DSCC1: variants seen among roughly 807,000 people sequenced by gnomAD.
DSCC1 encodes sister chromatid cohesion protein DCC1.
A neutral mutation model predicts 48.2 loss-of-function variants in DSCC1; 32 were observed. The observed-to-expected ratio is 0.66, with a 90% CI of 0.50 to 0.89. DSCC1 has a LOEUF of 0.89. Among genes scored for constraint, DSCC1 ranks in the 40% least tolerant of loss-of-function variants. DSCC1 has a pLI of 0.00. For synonymous variants in DSCC1, 150 were observed against 171.5 expected (o/e 0.87, Z 0.98); for missense variants, 421 against 471.7 (o/e 0.89, Z 1.00).
chr8:119,837,841 C>T (rs1024597576), intron 8 of DSCC1, among the ~76,000 whole-genome samples: 6 of 152,102 alleles, frequency 3.9e-5, no homozygotes, highest in Non-Finnish European at 5.9e-5. Context: ...GGATTTCAAG[C>T]GTTAGGGGAC....
Position 119,841,865 on chromosome 8 carries a change from G to T in DSCC1, c.853C>A (p.Leu285Ile). 1 of 1,614,124 alleles carries T rather than the reference G, an allele frequency of 6.2e-7. No individual in the cohort carries two copies. The highest frequency in any genetic ancestry group is 1.6e-4 in the Middle Eastern group (1 of 6,062). Residue 285 changes from leucine to isoleucine, a missense_variant, in exon 7 of 9, where the codon CTC (leucine) becomes ATC (isoleucine). Coordinates refer to ENST00000313655, the MANE Select transcript of DSCC1 (RefSeq NM_024094.3). The stretch of plus-strand genomic sequence containing the variant: ...TGCCACACTTCTTGAAACTCAGCGA[G>T]ATTGAATTTCACCGCATTCTGAAGT... ...MLLQNAVKFN[L>I]AEFQEVWQQS...
chr8:119,841,462 A>G (rs1826768341), intron 7 of DSCC1, among the ~76,000 whole-genome samples: 1 of 152,166 alleles, frequency 6.6e-6, no homozygotes, highest in Non-Finnish European at 1.5e-5. Flanking sequence ...GAAACGGAAC[A>G]AAATGAGATA....
In DSCC1 at chr8:119,855,817, C is replaced by T; in HGVS notation, c.-22G>A. ...TCATCGCAGCGCCGGGTCTAGGAGT[C>T]CCGCCGCGCCCGGGTGGCTGCGGGC... On this transcript the variant is annotated 5_prime_UTR_variant, in exon 1 of 9. Transcript: ENST00000313655. 7.0e-7 allele frequency: 1 copy of T among 1,437,080 alleles called. No individual in the cohort carries two copies. Among genetic ancestry groups the T allele is most frequent in the Non-Finnish European group, 9.1e-7 (1 of 1,095,338 alleles). 89.0% of individuals were successfully genotyped at this position (1,437,080 alleles called of 1,614,324 possible).
At position 119,849,163 on chromosome 8, in the gene DSCC1, C is replaced by T. The variant is rs568737541; in HGVS notation, c.486+1219G>A. ...TCGCGCCACTGCACTCCAGCCTGGG[C>T]GACAGAGCGAGACTCCCTCTCAAAA... is the stretch of plus-strand genomic sequence containing the variant. On this transcript the variant is annotated intron_variant, in intron 3 of 8. Coordinates refer to ENST00000313655, the MANE Select transcript of DSCC1 (RefSeq NM_024094.3). Among the ~76,000 whole-genome samples, 758 of 120,610 alleles carry T rather than the reference C, an allele frequency of 6.3e-3. 7 individuals are homozygous for T. Among genetic ancestry groups the T allele is most frequent in the African/African-American group, 0.023 (712 of 30,774 alleles). 79.1% of individuals were successfully genotyped at this position (120,610 alleles called of 152,430 possible). A position where few individuals can be genotyped will look rare whatever the true frequency, so the allele number is the denominator to read the frequency against.
At chr8:119,835,497 ACT>A (rs1356377206) in intron 8 of DSCC1, among the ~76,000 whole-genome samples, 2 of 151,428 alleles carry the variant, frequency 1.3e-5, no homozygotes. Flanking sequence ...ACAGTGTGAG[ACT>A]CTGTCTCAAA....
intron 1 of DSCC1, 113 bp downstream of exon 1, chr8:119,855,501 C>T: frequency 7.2e-7 from 1 of 1,379,884 alleles, no homozygotes; most frequent in South Asian, 1.5e-5. Context: ...TTGCTATGAG[C>T]CCCCGGCCAG....
rs1166075407 is a variant in DSCC1 at position 119,855,813 on chromosome 8, G to A, written c.-18C>T. On this transcript the variant is annotated 5_prime_UTR_variant, in exon 1 of 9. Transcript: ENST00000313655. ...CTCTTCATCGCAGCGCCGGGTCTAG[G>A]AGTCCCGCCGCGCCCGGGTGGCTGC... 1 of 1,445,956 alleles carries A rather than the reference G, an allele frequency of 6.9e-7. No individual in the cohort carries two copies. The allele number at this position is 1,445,956 out of a possible 1,614,324, so 89.6% of individuals were successfully genotyped here. A position where few individuals can be genotyped will look rare whatever the true frequency, so the allele number is the denominator to read the frequency against.
At chr8:119,841,669 G>A in intron 7 of DSCC1, 125 bp downstream of exon 7, 1 of 925,686 alleles carries the variant, frequency 1.1e-6, no homozygotes. Context: ...TGGATTGGAT[G>A]TACATGCACT....
chr8:119,845,875 C>T (rs111356276), intron 4 of DSCC1, among the ~76,000 whole-genome samples: 10 of 151,988 alleles, frequency 6.6e-5, no homozygotes, highest in Non-Finnish European at 1.3e-4. Context: ...CTTGAACCCA[C>T]GAGACGGAGG....
chr8:119,839,096 G>A (rs1826730017), intron 7 of DSCC1: 2 of 152,190 alleles, frequency 1.3e-5, no homozygotes, highest in African/African-American at 4.8e-5. Context: ...CTCCATCCCT[G>A]ACATCAGTCT....
At chr8:119,837,710 G>A (rs1038853727) in intron 8 of DSCC1, among the ~76,000 whole-genome samples, 2 of 152,102 alleles carry the variant, frequency 1.3e-5, no homozygotes, top group Admixed American at 6.6e-5. Flanking sequence ...AGGGAGAGAG[G>A]GCCACAGGAG....
intron 1 of DSCC1, among the ~76,000 whole-genome samples, chr8:119,854,078 A>C (rs75067648): frequency 6.6e-6 from 1 of 152,032 alleles, no homozygotes; most frequent in South Asian, 2.1e-4. Context: ...GCTGGGTGTG[A>C]TGATGCACAC....
rs764820227 is a variant in DSCC1, at chr8:119,847,011, G to T, written c.556C>A (p.Leu186Ile). ...EEEIMTQLQV[L>I]NACKIGGYWR... Reference sequence around the variant, plus strand: ...CTACCTCCAATCTTACAGGCATTTAGAACTTGTAATTGGGTCATTATTTCT... The same window carrying T: ...CTACCTCCAATCTTACAGGCATTTATAACTTGTAATTGGGTCATTATTTCT... Residue 186 changes from leucine to isoleucine, a missense_variant, in exon 4 of 9, where the codon CTA becomes ATA. Physicochemically the swap from Leu to Ile is conservative, Grantham distance 5. Around this residue, in one of 3 missense-constraint regions of DSCC1, gnomAD observed 238 missense variants for 259.0 expected, o/e 0.92. Coordinates refer to ENST00000313655, the MANE Select transcript of DSCC1 (RefSeq NM_024094.3). The T allele has an allele frequency of 6.2e-7, 1 of 1,613,776 alleles. No homozygotes were observed. The highest frequency in any genetic ancestry group is 8.5e-7 in the Non-Finnish European group (1 of 1,179,986).
chr8:119,851,807 G>A (rs1484281357), intron 2 of DSCC1, among the ~76,000 whole-genome samples: 1 of 152,062 alleles, frequency 6.6e-6, no homozygotes, highest in African/African-American at 2.4e-5. Context: ...CACGGATTAT[G>A]GCTTTGGTTA....
rs1826714037 is a variant in DSCC1 at position 119,838,207 on chromosome 8, A to G, written c.1073+52T>C. 2.7e-6 allele frequency: 4 copies of G among 1,495,626 alleles called. No individual in the cohort carries two copies. The South Asian group carries it at 5.9e-5, about 22-fold the overall frequency. 92.6% of individuals were successfully genotyped at this position (1,495,626 alleles called of 1,614,324 possible). A position where few individuals can be genotyped will look rare whatever the true frequency, so the allele number is the denominator to read the frequency against. The stretch of plus-strand genomic sequence containing the variant: ...AATCATAAATCTAAAATGCTGTGCC[A>G]TTGACTATAAAAAGAACGACCCTCA... On this transcript the variant is annotated intron_variant, in intron 8 of 8. Coordinates refer to ENST00000313655, the MANE Select transcript of DSCC1 (RefSeq NM_024094.3).
Position 119,841,783 on chromosome 8 carries a change from A to G in DSCC1, c.924+11T>C, listed in dbSNP as rs537792706. ...CTGTTGAAGTAAGGTGGCAATGTCT[A>G]TTGCTATTACCTTAAGCTGATCAAG... On this transcript the variant is annotated intron_variant, in intron 7 of 8. Coordinates refer to ENST00000313655, the MANE Select transcript of DSCC1 (RefSeq NM_024094.3). 1.0e-4 allele frequency: 166 copies of G among 1,609,602 alleles called. 4 individuals carry two copies. The South Asian group carries it at 1.7e-3, about 16-fold the overall frequency.
chr8:119,850,987 G>C (rs1826935827), intron 2 of DSCC1, among the ~76,000 whole-genome samples: 2 of 152,334 alleles, frequency 1.3e-5, no homozygotes, highest in Non-Finnish European at 1.5e-5. Flanking sequence ...TTAAGGGACA[G>C]AGATTTCTGT....
intron 3 of DSCC1, among the ~76,000 whole-genome samples, chr8:119,850,146 G>A (rs1370508728): frequency 6.6e-6 from 1 of 152,148 alleles, no homozygotes; most frequent in Non-Finnish European, 1.5e-5. Flanking sequence ...TGGAAGGATA[G>A]AAAGGGGATA....
At chr8:119,840,559 C>T (rs1405993189) in intron 7 of DSCC1, among the ~76,000 whole-genome samples, 1 of 152,132 alleles carries the variant, frequency 6.6e-6, no homozygotes, top group Non-Finnish European at 1.5e-5. Context: ...TCCTGAAGGG[C>T]CTTATAGGCC....
Sources: allele counts gnomAD v4.1 joint callset (sites outside exome capture counted in the v4.1 genomes callset), GRCh38; gene constraint gnomAD v4.1.1; regional missense constraint gnomAD v4.1.1; transcripts MANE v1.5; gene names NCBI Gene and HGNC (gene_info 2026-07-23, HGNC 2026-07-21).